Variants in PLS1 observed in about 807,000 individuals in gnomAD.
The protein encoded by PLS1 is plastin 1, also known as plastin-1.
Under a neutral mutation model 73.7 loss-of-function variants are expected in PLS1, and 32 were observed. The ratio of observed to expected loss-of-function variants is 0.43; its 90% CI spans 0.33 to 0.58. The LOEUF (loss-of-function observed/expected upper bound fraction) is 0.58. Among genes scored for constraint, PLS1 ranks in the 20% least tolerant of loss-of-function variants. The pLI is 0.04. For missense variants in PLS1, 633 were observed against 740.5 expected (o/e 0.85, Z 1.68); for synonymous variants, 217 against 261.3 (o/e 0.83, Z 1.63).
chr3:142,641,175 TTATATA>T (rs1553783958), intron 1 of PLS1, among the ~76,000 whole-genome samples: 1 of 143,344 alleles, frequency 7.0e-6, no homozygotes, highest in African/African-American at 2.6e-5. Flanking sequence ...TATATATATA[TTATATA>T]TATATATAAT....
intron 1 of PLS1, among the ~76,000 whole-genome samples, chr3:142,614,474 C>T (rs1426945853): frequency 6.6e-6 from 1 of 152,094 alleles, no homozygotes; most frequent in African/African-American, 2.4e-5. Flanking sequence ...TGGCTTAGCC[C>T]AGTGTTACCA....
chr3:142,604,891 C>A (rs1343760232), intron 1 of PLS1, among the ~76,000 whole-genome samples: 1 of 149,954 alleles, frequency 6.7e-6, no homozygotes, highest in South Asian at 2.1e-4. Flanking sequence ...GCTGAGATCA[C>A]GGCACTGCAT....
chr3:142,631,537 T>C (rs1373710920), intron 1 of PLS1, among the ~76,000 whole-genome samples: 1 of 150,820 alleles, frequency 6.6e-6, no homozygotes, highest in Non-Finnish European at 1.5e-5. Context: ...GGTGTGTGCC[T>C]GTGGTCCCAG....
rs1315328441 is a variant in PLS1, at chr3:142,689,738, G to T, written c.1102G>T (p.Val368Leu). ...SGNPKLNLAF[V>L]ANLFNTYPCL... Reference sequence around the variant, plus strand: ...CAATCCTAAACTTAATTTAGCTTTTGTAGCTAATTTGTTTAACACATACCC... The same window carrying T: ...CAATCCTAAACTTAATTTAGCTTTTTTAGCTAATTTGTTTAACACATACCC... The change falls in exon 10 of 16, where the codon GTA (valine) becomes TTA (leucine). Residue 368 changes from valine to leucine, a missense_variant. Val to Leu is a conservative substitution (Grantham distance 32). Coordinates refer to ENST00000457734, the MANE Select transcript of PLS1 (RefSeq NM_001145319.2). The T allele has an allele frequency of 2.5e-6, 4 of 1,610,168 alleles. No individual in the cohort carries two copies. The South Asian group carries it at 4.4e-5, about 18-fold the overall frequency.
At chr3:142,658,301 T>C (rs1216152093) in intron 1 of PLS1, among the ~76,000 whole-genome samples, 1 of 151,956 alleles carries the variant, frequency 6.6e-6, no homozygotes, top group Non-Finnish European at 1.5e-5. Context: ...GGTGAAACCC[T>C]GTCTCTGCTA....
chr3:142,610,050 G>A (rs913153678), intron 1 of PLS1, among the ~76,000 whole-genome samples: 1 of 152,182 alleles, frequency 6.6e-6, no homozygotes, highest in Non-Finnish European at 1.5e-5. Context: ...TGTATTTTTA[G>A]TAGAGCTGGG....
chr3:142,685,015 C>T (rs556269723), intron 8 of PLS1, among the ~76,000 whole-genome samples: 6 of 152,136 alleles, frequency 3.9e-5, no homozygotes, highest in Admixed American at 3.9e-4. Flanking sequence ...TTCTTTATGT[C>T]CTCCCCCATC....
chr3:142,664,333 A>G, intron 2 of PLS1, 26 bp downstream of exon 2: 6 of 1,197,262 alleles, frequency 5.0e-6, no homozygotes, highest in Non-Finnish European at 7.4e-6. Flanking sequence ...AGTAAATATG[A>G]TATTACTGGT....
At chr3:142,605,941 G>A (rs1268515049) in intron 1 of PLS1, among the ~76,000 whole-genome samples, 4 of 152,142 alleles carry the variant, frequency 2.6e-5, no homozygotes, top group African/African-American at 9.7e-5. Context: ...TTCTCCCTAT[G>A]TGATATATAT....
intron 14 of PLS1, among the ~76,000 whole-genome samples, chr3:142,709,017 T>C (rs1577919390): frequency 6.6e-6 from 1 of 152,178 alleles, no homozygotes; most frequent in East Asian, 1.9e-4. Context: ...AATATGTAAA[T>C]AAGGAATCAA....
chr3:142,601,646 C>T (rs1012300489), intron 1 of PLS1, among the ~76,000 whole-genome samples: 2 of 152,272 alleles, frequency 1.3e-5, no homozygotes, highest in East Asian at 3.9e-4. Context: ...CCTCCCGCCT[C>T]AGCCTCCCAG....
At chr3:142,686,528 C>T (rs2037970080) in intron 9 of PLS1, 152 bp downstream of exon 9, 1 of 612,776 alleles carries the variant, frequency 1.6e-6, no homozygotes, top group African/African-American at 1.8e-5. Context: ...ACAAACTTTT[C>T]ATCATCCTGT....
At chr3:142,614,750 G>A (rs1182027576) in intron 1 of PLS1, among the ~76,000 whole-genome samples, 3 of 152,056 alleles carry the variant, frequency 2.0e-5, no homozygotes, top group South Asian at 2.1e-4. Context: ...GGAGTATGGC[G>A]GCTATAGAGT....
chr3:142,686,131 G>A (rs562012221), intron 8 of PLS1, among the ~76,000 whole-genome samples, 153 bp from the exon 9 acceptor site: 18 of 152,268 alleles, frequency 1.2e-4, no homozygotes, highest in African/African-American at 4.1e-4. Context: ...AAACAGCATG[G>A]TACATTCAGG....
chr3:142,687,725 T>C (rs1215326234), intron 9 of PLS1, among the ~76,000 whole-genome samples: 1 of 152,080 alleles, frequency 6.6e-6, no homozygotes, highest in African/African-American at 2.4e-5. Context: ...ATCCTAGACA[T>C]TACTTCATGG....
At chr3:142,654,231 C>A (rs1366214395) in intron 1 of PLS1, among the ~76,000 whole-genome samples, 1 of 152,038 alleles carries the variant, frequency 6.6e-6, no homozygotes, top group Non-Finnish European at 1.5e-5. Flanking sequence ...TAGAAGATTT[C>A]TTTGTTTATA....
chr3:142,704,395 T>C (rs1479754159), intron 13 of PLS1, 68 bp from the exon 14 acceptor site: 117 of 1,206,972 alleles, frequency 9.7e-5, no homozygotes, highest in Non-Finnish European at 1.3e-4. Context: ...TATCTAAACA[T>C]TGATATAAAT....
intron 1 of PLS1, among the ~76,000 whole-genome samples, chr3:142,625,625 G>A (rs571566036): frequency 6.6e-6 from 1 of 152,086 alleles, no homozygotes; most frequent in South Asian, 2.1e-4. Context: ...TATACTAAAT[G>A]TATATGTTAT....
chr3:142,709,679 T>G (rs1176804029), intron 14 of PLS1, among the ~76,000 whole-genome samples: 1 of 151,910 alleles, frequency 6.6e-6, no homozygotes, highest in Non-Finnish European at 1.5e-5. Flanking sequence ...CAGCCGGGTG[T>G]GGTGGCCGGC....
Sources: allele counts gnomAD v4.1 joint callset (sites outside exome capture counted in the v4.1 genomes callset), GRCh38; gene constraint gnomAD v4.1.1; transcripts MANE v1.5; gene names NCBI Gene and HGNC (gene_info 2026-07-23, HGNC 2026-07-21).